The following GABRP variants were observed in gnomAD, a reference collection of about 807,000 sequenced individuals.
The protein encoded by GABRP is gamma-aminobutyric acid type A receptor subunit pi.
Under a neutral mutation model 47.8 loss-of-function variants are expected in GABRP, and 52 were observed. That is an observed-to-expected ratio of 1.09 (90% CI 0.87 to 1.37). GABRP has a LOEUF of 1.37. Ranked by LOEUF, GABRP falls within the 40% of genes most tolerant of loss-of-function variation. The pLI is 0.00. For synonymous variants in GABRP, 221 were observed against 205.8 expected, an observed-to-expected ratio of 1.07 and a Z score of -0.63; for missense variants, 525 against 542.8, an observed-to-expected ratio of 0.97 and a Z score of 0.33.
Position 170,795,228 on chromosome 5 carries a change from C to A in GABRP, c.261C>A (p.Tyr87Ter). ...CCCAGGACTACACAGCCACCATATA[C>A]CTCCGACAGCGCTGGATGGACCAGC... ...ESNMDYTATI[Y>*]LRQRWMDQRL... Residue 87 changes from tyrosine (Y) to a stop codon, truncating the protein, a stop_gained, in exon 5 of 10, where the codon TAC becomes TAA. Coordinates refer to ENST00000265294, the MANE Select transcript of GABRP (RefSeq NM_014211.3). LOFTEE classifies it high-confidence loss of function. The A allele has an allele frequency of 6.2e-7, 1 of 1,613,400 alleles. No homozygotes were observed. The highest frequency in any genetic ancestry group is 8.5e-7 in the Non-Finnish European group (1 of 1,179,798).
chr5:170,807,398 G>T (rs1247537649), intron 7 of GABRP, among the ~76,000 whole-genome samples: 1 of 152,104 alleles, frequency 6.6e-6, no homozygotes, highest in Non-Finnish European at 1.5e-5. Flanking sequence ...ATAAAAAATG[G>T]CTTCAGTTTT....
At chr5:170,788,540 C>T (rs141297876) in intron 1 of GABRP, 34 bp from the exon 2 acceptor site, 58 of 1,460,254 alleles carry the variant, frequency 4.0e-5, no homozygotes, top group Admixed American at 1.3e-4. Context: ...GCCTGTTGCA[C>T]GGCCTTCCAC....
intron 1 of GABRP, among the ~76,000 whole-genome samples, chr5:170,784,617 G>C (rs139371186): frequency 6.6e-6 from 1 of 152,316 alleles, no homozygotes; most frequent in Non-Finnish European, 1.5e-5. Context: ...GGCACCTGGG[G>C]TGTATATAGA....
chr5:170,795,886 A>G (rs1393678550), intron 5 of GABRP, among the ~76,000 whole-genome samples: 2 of 152,226 alleles, frequency 1.3e-5, no homozygotes, highest in Non-Finnish European at 2.9e-5. Flanking sequence ...GTGGAACTGC[A>G]GCAGCTCCAG....
At position 170,797,454 on chromosome 5, in the gene GABRP, T is replaced by G. The variant is rs771956512; in HGVS notation, c.459-12T>G. The G allele has an allele frequency of 6.3e-7, 1 of 1,577,990 alleles. No homozygotes were observed. Among genetic ancestry groups the G allele is most frequent in the Non-Finnish European group, 8.7e-7 (1 of 1,147,146 alleles). ...TCACAATACTGTTTTTGAACCTGTT[T>G]TTCCCTCTTAGAATCACGACAACTG... On this transcript the variant is annotated splice_polypyrimidine_tract_variant and intron_variant, in intron 5 of 9. Transcript: ENST00000265294.
intron 6 of GABRP, among the ~76,000 whole-genome samples, chr5:170,805,509 G>A (rs1053019717): frequency 4.6e-5 from 7 of 152,170 alleles, no homozygotes; most frequent in Non-Finnish European, 8.8e-5. Context: ...CTCAATTGAC[G>A]GCAAATCGTC....
intron 9 of GABRP, among the ~76,000 whole-genome samples, chr5:170,810,500 T>C (rs1765853779): frequency 6.6e-6 from 1 of 152,184 alleles, no homozygotes. Flanking sequence ...ACCTACTTGG[T>C]TCCAAAGCCT....
intron 5 of GABRP, 26 bp downstream of exon 5, chr5:170,795,451 G>A: frequency 1.3e-6 from 2 of 1,576,440 alleles, no homozygotes; most frequent in Admixed American, 1.7e-5. Flanking sequence ...TGACCTCAGG[G>A]GTGGAGGACG....
chr5:170,795,881 A>G (rs1812910), intron 5 of GABRP, among the ~76,000 whole-genome samples: 63,992 of 152,008 alleles, frequency 0.42, 13,813 homozygotes, highest in African/African-American at 0.51. Flanking sequence ...GCCCAGTGGA[A>G]CTGCAGCAGC....
chr5:170,789,701 C>A (rs2127251204), intron 3 of GABRP, among the ~76,000 whole-genome samples: 1 of 152,252 alleles, frequency 6.6e-6, no homozygotes, highest in East Asian at 1.9e-4. Context: ...AGAGTCCAGG[C>A]ACACTAGGCC....
At chr5:170,802,690 C>T (rs1009493582) in intron 6 of GABRP, among the ~76,000 whole-genome samples, 7 of 151,362 alleles carry the variant, frequency 4.6e-5, no homozygotes, top group African/African-American at 9.7e-5. Context: ...CCCCAGTGAG[C>T]GGAGGGAGTT....
At chr5:170,811,921 A>G in intron 9 of GABRP, 35 bp from the exon 10 acceptor site, 1 of 1,586,036 alleles carries the variant, frequency 6.3e-7, no homozygotes, top group South Asian at 1.1e-5. Context: ...TGCTGAGTCA[A>G]GTCTTTTAAG....
In GABRP at chr5:170,788,679, C is replaced by G; in HGVS notation, c.53+11C>G. 3 of 1,613,602 alleles carry G rather than the reference C, an allele frequency of 1.9e-6. No homozygotes were observed. Among genetic ancestry groups the G allele is most frequent in the Non-Finnish European group, 2.5e-6 (3 of 1,179,606 alleles). ...TCTCTTCACTGAGAGGTGAGCTTTG[C>G]TACCCCCAGAATGGCCTCCATCTGC... On this transcript the variant is annotated intron_variant, in intron 2 of 9. Coordinates refer to ENST00000265294, the MANE Select transcript of GABRP (RefSeq NM_014211.3).
intron 1 of GABRP, among the ~76,000 whole-genome samples, chr5:170,786,235 G>A (rs1052996265): frequency 3.9e-5 from 6 of 152,202 alleles, no homozygotes; most frequent in Admixed American, 3.3e-4. Context: ...CTTGGACAGG[G>A]AAAGGACAGG....
intron 1 of GABRP, among the ~76,000 whole-genome samples, chr5:170,787,020 T>A (rs756974598): frequency 6.6e-6 from 1 of 152,032 alleles, no homozygotes; most frequent in Non-Finnish European, 1.5e-5. Context: ...ACTTCTTTTT[T>A]AGAGCAATTT....
chr5:170,808,484 T>C, intron 7 of GABRP, 116 bp from the exon 8 acceptor site: 1 of 852,212 alleles, frequency 1.2e-6, no homozygotes, highest in East Asian at 2.5e-5. Flanking sequence ...AGTTCATACA[T>C]AACCAGATTT....
At chr5:170,786,853 C>T (rs536009546) in intron 1 of GABRP, among the ~76,000 whole-genome samples, 2 of 151,760 alleles carry the variant, frequency 1.3e-5, no homozygotes, top group Non-Finnish European at 2.9e-5. Flanking sequence ...CCCAATTTTG[C>T]TTTTTAATTT....
intron 3 of GABRP, among the ~76,000 whole-genome samples, chr5:170,791,454 T>C (rs1439078253): frequency 2.0e-5 from 3 of 152,230 alleles, no homozygotes; most frequent in East Asian, 1.9e-4. Flanking sequence ...TTCTTAGGGA[T>C]TGAGCTGGAC....
intron 3 of GABRP, among the ~76,000 whole-genome samples, chr5:170,793,639 T>G (rs2127254334): frequency 6.6e-6 from 1 of 152,358 alleles, no homozygotes; most frequent in Middle Eastern, 3.4e-3. Flanking sequence ...CGCAATCAGA[T>G]TACCAAATCT....
Sources: gnomAD v4.1 joint callset for allele counts (sites outside exome capture counted in the v4.1 genomes callset) on GRCh38, gnomAD v4.1.1 for gene constraint, MANE v1.5 for transcripts, NCBI Gene and HGNC (gene_info 2026-07-23, HGNC 2026-07-21) for gene names.